The following ATG7 variants were observed in gnomAD, a reference collection of about 807,000 sequenced individuals.
ATG7 encodes the protein autophagy related 7.
Under a neutral mutation model 82.4 loss-of-function variants are expected in ATG7, and 70 were observed. The ratio of observed to expected loss-of-function variants is 0.85; its 90% CI spans 0.70 to 1.04. The LOEUF (loss-of-function observed/expected upper bound fraction) is 1.04. ATG7 is among the 50% of genes least tolerant of loss of function. The pLI is 0.00. For synonymous variants in ATG7, 287 were observed against 313.0 expected (o/e 0.92, Z 0.88); for missense variants, 792 against 864.3 (o/e 0.92, Z 1.05).
At chr3:11,391,331 T>C (rs1480420414) in intron 19 of ATG7, among the ~76,000 whole-genome samples, 1 of 152,094 alleles carries the variant, frequency 6.6e-6, no homozygotes, top group Non-Finnish European at 1.5e-5. Flanking sequence ...GAAGCTGAGG[T>C]TTAATGTTCC....
intron 4 of ATG7, 117 bp downstream of exon 4, chr3:11,298,972 AC>A (rs1298018113): frequency 8.9e-7 from 1 of 1,128,010 alleles, no homozygotes; most frequent in African/African-American, 1.6e-5. Flanking sequence ...AGTGCTCTTC[AC>A]TAGTTTCTAT....
At chr3:11,327,487 A>G (rs1267766823) in intron 9 of ATG7, among the ~76,000 whole-genome samples, 1 of 152,210 alleles carries the variant, frequency 6.6e-6, no homozygotes, top group African/African-American at 2.4e-5. Flanking sequence ...GATTGAGTGT[A>G]TGTATGTGTG....
chr3:11,450,924 T>C (rs540633743), intron 20 of ATG7, among the ~76,000 whole-genome samples: 2 of 152,336 alleles, frequency 1.3e-5, no homozygotes, highest in African/African-American at 4.8e-5. Context: ...GGTGTATTAG[T>C]TGTTACTAAT....
chr3:11,438,593 T>TG (rs1165103331), intron 20 of ATG7, among the ~76,000 whole-genome samples: 1 of 150,458 alleles, frequency 6.6e-6, no homozygotes, highest in Non-Finnish European at 1.5e-5. Flanking sequence ...AATAAAGATT[T>TG]TTTTTCTTTT....
intron 19 of ATG7, among the ~76,000 whole-genome samples, chr3:11,424,569 A>T (rs2082202344): frequency 6.7e-6 from 1 of 149,880 alleles, no homozygotes; most frequent in Non-Finnish European, 1.5e-5. Context: ...TGTATTTATT[A>T]TCGGTGGCAA....
At chr3:11,558,738 C>A (rs147755206), downstream of ATG7, 4 of 1,614,094 alleles carry the variant, frequency 2.5e-6, no homozygotes, top group African/African-American at 2.7e-5. Flanking sequence ...GTGATGGACA[C>A]GGAGTTGGGT....
rs575571680 is a variant in ATG7 at position 11,306,974 on chromosome 3, G to A, written c.247G>A (p.Ala83Thr). 1 of 1,614,036 alleles carries A rather than the reference G, an allele frequency of 6.2e-7. No homozygotes were observed. The highest frequency in any genetic ancestry group is 1.1e-5 in the South Asian group (1 of 91,078). Reference sequence around the variant, plus strand: ...TCCCACCCCAGCCCGTTGCTGCCCAGCTATTGGAACACTGTATAACACCAA... The same window carrying A: ...TCCCACCCCAGCCCGTTGCTGCCCAACTATTGGAACACTGTATAACACCAA... ...SAPTPARCCPAIGTLYNTNTL... is the reference protein window; with the variant it reads ...SAPTPARCCPTIGTLYNTNTL... Residue 83 changes from alanine to threonine, a missense_variant, in exon 6 of 21, where the codon GCT (alanine) becomes ACT (threonine). Transcript: ENST00000693202.
intron 20 of ATG7, among the ~76,000 whole-genome samples, chr3:11,542,812 C>G (rs1220511790): frequency 6.6e-6 from 1 of 152,180 alleles, no homozygotes; most frequent in East Asian, 1.9e-4. Context: ...TTTGGAACGG[C>G]TGAGCATAAC....
intron 13 of ATG7, among the ~76,000 whole-genome samples, chr3:11,344,686 G>A (rs906432058): frequency 5.9e-5 from 9 of 152,014 alleles, no homozygotes; most frequent in Non-Finnish European, 8.8e-5. Context: ...GCACAACGTG[G>A]CGAAACTCCA....
chr3:11,307,852 T>C (rs1948005769), intron 6 of ATG7, among the ~76,000 whole-genome samples: 1 of 152,178 alleles, frequency 6.6e-6, no homozygotes, highest in Admixed American at 6.5e-5. Flanking sequence ...TGAGGCAGGC[T>C]TCCTTCACAT....
chr3:11,378,917 G>A (rs1375693817), intron 18 of ATG7, among the ~76,000 whole-genome samples: 1 of 152,054 alleles, frequency 6.6e-6, no homozygotes, highest in Non-Finnish European at 1.5e-5. Flanking sequence ...TGGCTAAACG[G>A]TGGTGGATCG....
intron 20 of ATG7, among the ~76,000 whole-genome samples, chr3:11,484,657 A>C (rs1210340783): frequency 2.0e-5 from 3 of 152,134 alleles, no homozygotes; most frequent in Non-Finnish European, 4.4e-5. Context: ...CCATTAACTC[A>C]TCATTCAGCA....
chr3:11,392,209 T>A (rs1279350641), intron 19 of ATG7, among the ~76,000 whole-genome samples: 1 of 152,180 alleles, frequency 6.6e-6, no homozygotes, highest in Non-Finnish European at 1.5e-5. Context: ...TCAAACTGTT[T>A]ATGACAAACA....
intron 18 of ATG7, among the ~76,000 whole-genome samples, chr3:11,376,419 G>C (rs1348143575): frequency 6.6e-6 from 1 of 152,176 alleles, no homozygotes; most frequent in East Asian, 1.9e-4. Context: ...GATTTCAGAG[G>C]GTAGAGATAC....
intron 20 of ATG7, among the ~76,000 whole-genome samples, chr3:11,490,169 G>C (rs1191295667): frequency 6.6e-6 from 1 of 152,018 alleles, no homozygotes; most frequent in African/African-American, 2.4e-5. Flanking sequence ...TCCTGTATTG[G>C]GTGCATATAT....
At chr3:11,509,267 G>A (rs1032029195) in intron 20 of ATG7, among the ~76,000 whole-genome samples, 3 of 151,406 alleles carry the variant, frequency 2.0e-5, no homozygotes, top group Admixed American at 6.5e-5. Context: ...GGCTGCTGCC[G>A]GCAGGAGGGA....
At chr3:11,454,428 C>T (rs902995294) in intron 20 of ATG7, among the ~76,000 whole-genome samples, 1 of 152,198 alleles carries the variant, frequency 6.6e-6, no homozygotes, top group African/African-American at 2.4e-5. Context: ...TGGAATTTGA[C>T]GGCATGAGTC....
chr3:11,437,564 C>T (rs1357107533), intron 20 of ATG7, among the ~76,000 whole-genome samples: 15 of 152,106 alleles, frequency 9.9e-5, no homozygotes, highest in Non-Finnish European at 2.2e-4. Context: ...CCCTGTTTAC[C>T]ACAGGATTTT....
intron 11 of ATG7, among the ~76,000 whole-genome samples, chr3:11,334,514 G>A (rs2152759938): frequency 6.6e-6 from 1 of 151,928 alleles, no homozygotes; most frequent in East Asian, 2.0e-4. Context: ...AAAGTGCTGG[G>A]ATTACAGGCA....
Sources: allele counts gnomAD v4.1 joint callset (sites outside exome capture counted in the v4.1 genomes callset), GRCh38; gene constraint gnomAD v4.1.1; transcripts MANE v1.5; gene names NCBI Gene and HGNC (gene_info 2026-07-23, HGNC 2026-07-21).